TMEM135: variants seen among roughly 807,000 people sequenced by gnomAD.
The protein encoded by TMEM135 is transmembrane protein 135, also known as peroxisomal membrane protein 52.
Under a neutral mutation model 60.3 loss-of-function variants are expected in TMEM135, and 30 were observed. The ratio of observed to expected loss-of-function variants is 0.50; its 90% confidence interval spans 0.37 to 0.68. The LOEUF is 0.68. Among genes scored for constraint, TMEM135 ranks in the 30% least tolerant of loss-of-function variants. TMEM135 has a pLI of 0.00. For missense variants in TMEM135, 468 were observed against 548.8 expected (o/e 0.85, Z 1.47); for synonymous variants, 190 against 186.7 (o/e 1.02, Z -0.14).
At chr11:87,038,990 T>A (rs1242025779) in intron 1 of TMEM135, among the ~76,000 whole-genome samples, 1 of 152,214 alleles carries the variant, frequency 6.6e-6, no homozygotes, top group African/African-American at 2.4e-5. Flanking sequence ...TATTAAAGAT[T>A]TATTATTACT....
chr11:87,199,430 A>T (rs562707942), intron 5 of TMEM135, among the ~76,000 whole-genome samples: 1 of 152,328 alleles, frequency 6.6e-6, no homozygotes, highest in Admixed American at 6.5e-5. Context: ...GCCTCTACCC[A>T]GAGCTCTGTT....
intron 2 of TMEM135, among the ~76,000 whole-genome samples, chr11:87,068,105 T>C (rs751031955): frequency 4.5e-4 from 68 of 152,194 alleles, no homozygotes; most frequent in Admixed American, 3.3e-4. Flanking sequence ...AGTTGTTGAA[T>C]AGGATTTCTT....
At chr11:87,129,775 A>G (rs1331594556) in intron 4 of TMEM135, among the ~76,000 whole-genome samples, 1 of 152,118 alleles carries the variant, frequency 6.6e-6, no homozygotes, top group Non-Finnish European at 1.5e-5. Flanking sequence ...TCCTGACCTC[A>G]GGTGATCTGC....
At chr11:87,221,147 G>T (rs1486234134) in intron 5 of TMEM135, among the ~76,000 whole-genome samples, 3 of 152,098 alleles carry the variant, frequency 2.0e-5, no homozygotes, top group Non-Finnish European at 4.4e-5. Flanking sequence ...TTTTCTTTTT[G>T]TGACAATTTC....
At chr11:87,125,787 G>T (rs138193149) in intron 4 of TMEM135, among the ~76,000 whole-genome samples, 1 of 152,126 alleles carries the variant, frequency 6.6e-6, no homozygotes, top group African/African-American at 2.4e-5. Context: ...GAAGATGGGG[G>T]TCAGTTCTCA....
intron 5 of TMEM135, among the ~76,000 whole-genome samples, chr11:87,192,734 T>C (rs181386604): frequency 6.6e-6 from 1 of 152,354 alleles, no homozygotes; most frequent in African/African-American, 2.4e-5. Context: ...TAAAGGCTGG[T>C]ACAAATTCAT....
In TMEM135 at chr11:87,191,968, GTTTCT is replaced by G. The variant is rs1279912164; in HGVS notation, c.462+34581_462+34585del. Among the ~76,000 whole-genome samples the G allele has an allele frequency of 8.3e-3, 997 of 119,940 alleles. 6 individuals carry two copies. Among genetic ancestry groups the G allele is most frequent in the Non-Finnish European group, 0.01 (594 of 57,882 alleles). 78.7% of individuals were successfully genotyped at this position (119,940 alleles called of 152,430 possible). ...TATTACTGGTTTTTCTATTTCTTTT[GTTTCT>G]TTTCTTTTCTTTTCTTTTTTTTTTT... On this transcript the variant is annotated intron_variant, in intron 5 of 14. Transcript: ENST00000305494.
intron 6 of TMEM135, among the ~76,000 whole-genome samples, chr11:87,264,067 A>C (rs1314747788): frequency 6.6e-6 from 1 of 152,022 alleles, no homozygotes; most frequent in Non-Finnish European, 1.5e-5. Context: ...TTTAAACTGT[A>C]GTGGAAATAT....
intron 6 of TMEM135, among the ~76,000 whole-genome samples, chr11:87,294,368 C>G (rs1942314885): frequency 6.6e-6 from 1 of 152,198 alleles, no homozygotes; most frequent in East Asian, 1.9e-4. Context: ...AATAATTGCC[C>G]TGTTATATTT....
chr11:87,093,359 T>G (rs756343579), intron 4 of TMEM135, among the ~76,000 whole-genome samples: 6 of 152,006 alleles, frequency 3.9e-5, no homozygotes, highest in Admixed American at 6.6e-5. Context: ...ACCACAGGCA[T>G]GTACCACAAT....
rs544987284 is a variant in TMEM135, at chr11:87,236,169, C to T, written c.463-469C>T. Among the ~76,000 whole-genome samples the T allele has an allele frequency of 1.3e-4, 19 of 150,356 alleles. 1 individual carries two copies. In the South Asian group the frequency reaches 3.6e-3, roughly 29 times the overall value. On this transcript the variant is annotated intron_variant, in intron 5 of 14. Coordinates refer to ENST00000305494, the MANE Select transcript of TMEM135 (RefSeq NM_022918.4). ...TGTGAACCCTGTTACCCTTCTATCC[C>T]GTCTATATATGTATGTATTATATAT...
intron 5 of TMEM135, among the ~76,000 whole-genome samples, chr11:87,203,161 C>T (rs183987315): frequency 9.2e-5 from 14 of 152,030 alleles, no homozygotes; most frequent in South Asian, 2.1e-4. Flanking sequence ...ACATCCCGCA[C>T]CAGACTGGAC....
chr11:87,286,982 TATAATC>T (rs796366505), intron 6 of TMEM135, among the ~76,000 whole-genome samples: 11 of 152,366 alleles, frequency 7.2e-5, no homozygotes, highest in African/African-American at 2.2e-4. Context: ...AGATGGCTGA[TATAATC>T]AGAATAGAAT....
chr11:87,103,186 C>G (rs1198919307), intron 4 of TMEM135, among the ~76,000 whole-genome samples: 1 of 152,172 alleles, frequency 6.6e-6, no homozygotes, highest in South Asian at 2.1e-4. Context: ...TGGATACATA[C>G]TCAGAAGTGG....
At chr11:87,206,238 T>G (rs1273080040) in intron 5 of TMEM135, among the ~76,000 whole-genome samples, 4 of 152,204 alleles carry the variant, frequency 2.6e-5, no homozygotes, top group African/African-American at 9.6e-5. Context: ...ATATGCAGTT[T>G]GTGAAATGCT....
chr11:87,230,402 T>A (rs1160911472), intron 5 of TMEM135, among the ~76,000 whole-genome samples: 2 of 152,106 alleles, frequency 1.3e-5, no homozygotes, highest in Non-Finnish European at 2.9e-5. Flanking sequence ...GAAGTGGTAA[T>A]GAATTATAGA....
At chr11:87,246,388 A>T (rs1941271953) in intron 6 of TMEM135, among the ~76,000 whole-genome samples, 1 of 151,330 alleles carries the variant, frequency 6.6e-6, no homozygotes, top group Non-Finnish European at 1.5e-5. Context: ...CCTGAATCTG[A>T]ATGTTGGCCT....
intron 2 of TMEM135, among the ~76,000 whole-genome samples, chr11:87,068,271 T>C (rs1856705338): frequency 6.6e-6 from 1 of 152,212 alleles, no homozygotes. Flanking sequence ...TTTGGAACTT[T>C]TGGTCCTGAT....
At chr11:87,293,794 T>C (rs539103537) in intron 6 of TMEM135, among the ~76,000 whole-genome samples, 2 of 152,342 alleles carry the variant, frequency 1.3e-5, no homozygotes, top group South Asian at 4.1e-4. Flanking sequence ...ATGTCTTTGC[T>C]ATTGTAAATA....
Sources: gnomAD v4.1 joint callset for allele counts (sites outside exome capture counted in the v4.1 genomes callset) on GRCh38, gnomAD v4.1.1 for gene constraint, MANE v1.5 for transcripts, NCBI Gene and HGNC (gene_info 2026-07-23, HGNC 2026-07-21) for gene names.